The following INSL6 variants were observed in gnomAD, a reference collection of about 807,000 sequenced individuals.
INSL6 encodes insulin like 6.
INSL6 carries 16 observed loss-of-function variants against 9.4 expected under a neutral mutation model. The ratio of observed to expected loss-of-function variants is 1.70; its 90% CI spans 1.15 to 2.59. INSL6 has a LOEUF of 2.59. INSL6 is among the 30% of genes most tolerant of loss of function. The pLI, the probability that INSL6 is intolerant of heterozygous loss-of-function variation, is 0.00. For missense variants in INSL6, 391 were observed against 257.3 expected (o/e 1.52, Z -3.56); for synonymous variants, 154 against 96.9 (o/e 1.59, Z -3.46).
At chr9:5,171,535 C>T (rs545516985) in intron 1 of INSL6, among the ~76,000 whole-genome samples, 7 of 152,238 alleles carry the variant, frequency 4.6e-5, no homozygotes, top group Non-Finnish European at 1.0e-4. Context: ...AGAGAGGAAG[C>T]CAAATTGTCT....
the INSL6 span, chr9:5,072,409 T>A: frequency 9.8e-7 from 1 of 1,018,772 alleles, no homozygotes; most frequent in East Asian, 2.6e-5. Context: ...TTAAAAAAAT[T>A]CTTCCTCATT....
At chr9:5,099,737 A>G in the INSL6 span, 35 of 152,356 alleles carry the variant, frequency 2.3e-4, no homozygotes, top group Admixed American at 1.8e-3. Context: ...ATAATTACCC[A>G]TAACATTAAA....
the INSL6 span, among the ~76,000 whole-genome samples, chr9:5,069,549 AAT>A: frequency 6.6e-6 from 1 of 152,280 alleles, no homozygotes; most frequent in African/African-American, 2.4e-5. Context: ...GTATTTTAAA[AAT>A]AAAGACAGTA....
At chr9:5,155,963 T>TA (rs1383019400) in intron 2 of INSL6, among the ~76,000 whole-genome samples, 1 of 151,898 alleles carries the variant, frequency 6.6e-6, no homozygotes, top group East Asian at 1.9e-4. Context: ...AAACCTCAGC[T>TA]AGAATAATCA....
intron 2 of INSL6, among the ~76,000 whole-genome samples, chr9:5,148,035 C>T (rs1437497455): frequency 6.6e-6 from 1 of 152,148 alleles, no homozygotes; most frequent in East Asian, 1.9e-4. Context: ...CCATATCTGC[C>T]ATTTCAGACA....
the INSL6 span, among the ~76,000 whole-genome samples, chr9:5,029,021 T>C: frequency 2.6e-5 from 4 of 152,240 alleles, no homozygotes; most frequent in Admixed American, 6.5e-5. Context: ...CTTGATTGAC[T>C]GGTGCAGGAG....
intron 2 of INSL6, among the ~76,000 whole-genome samples, chr9:5,149,382 G>T (rs10974982): frequency 2.0e-5 from 3 of 151,780 alleles, no homozygotes; most frequent in African/African-American, 7.3e-5. Flanking sequence ...TTTCACAGCT[G>T]CATCTACTCA....
intron 1 of INSL6, among the ~76,000 whole-genome samples, chr9:5,170,016 C>A (rs1011128652): frequency 6.6e-6 from 1 of 152,160 alleles, no homozygotes; most frequent in African/African-American, 2.4e-5. Context: ...ATCAAATGGA[C>A]CTGATAGATA....
chr9:5,044,428 A>T, the INSL6 span: 1 of 1,611,802 alleles, frequency 6.2e-7, no homozygotes, highest in Non-Finnish European at 8.5e-7. Context: ...TTGGTATTGC[A>T]GTGGCAGCAA....
intron 1 of INSL6, among the ~76,000 whole-genome samples, chr9:5,184,624 T>C (rs927870054): frequency 6.6e-6 from 1 of 152,198 alleles, no homozygotes; most frequent in Admixed American, 6.5e-5. Flanking sequence ...CTGAAACCTA[T>C]GTAGTCACAC....
the INSL6 span, chr9:5,091,690 G>A: frequency 3.3e-5 from 5 of 152,214 alleles, no homozygotes; most frequent in South Asian, 4.1e-4. Context: ...ATGGTTTTTG[G>A]TATAGACTTT....
At chr9:5,092,466 G>A in the INSL6 span, among the ~76,000 whole-genome samples, 37,497 of 151,994 alleles carry the variant, frequency 0.25, 5,027 homozygotes, top group South Asian at 0.3. Context: ...TCACAACCTG[G>A]TCACTTTGAG....
At chr9:5,114,796 A>G in the INSL6 span, 1 of 298,038 alleles carries the variant, frequency 3.4e-6, no homozygotes, top group Non-Finnish European at 6.6e-6. Context: ...TTGTCTGTAA[A>G]TCCCATTAAA....
chr9:5,094,755 A>T, the INSL6 span: 1 of 152,166 alleles, frequency 6.6e-6, no homozygotes, highest in Non-Finnish European at 1.5e-5. Context: ...AGCAGAATAT[A>T]TGAATATTAT....
chr9:5,072,441 C>T, the INSL6 span: 3 of 1,390,132 alleles, frequency 2.2e-6, no homozygotes, highest in South Asian at 1.7e-5. Context: ...CTTGTTCCTA[C>T]TTCGTTCTCC....
At chr9:5,151,996 G>A (rs1355937856) in intron 2 of INSL6, among the ~76,000 whole-genome samples, 1 of 151,994 alleles carries the variant, frequency 6.6e-6, no homozygotes, top group East Asian at 1.9e-4. Flanking sequence ...TATTAGCAGT[G>A]ATAAAAGGAA....
At chr9:5,173,361 A>T (rs1369793771) in intron 1 of INSL6, among the ~76,000 whole-genome samples, 1 of 152,230 alleles carries the variant, frequency 6.6e-6, no homozygotes, top group Non-Finnish European at 1.5e-5. Context: ...ATTCAACCCA[A>T]ATGCCCATCA....
At chr9:5,181,885 T>G (rs1035924022) in intron 1 of INSL6, among the ~76,000 whole-genome samples, 1 of 152,184 alleles carries the variant, frequency 6.6e-6, no homozygotes, top group African/African-American at 2.4e-5. Flanking sequence ...ATAGTGTCAT[T>G]TTACATCTAT....
intron 2 of INSL6, among the ~76,000 whole-genome samples, chr9:5,154,423 C>T (rs1166569209): frequency 6.6e-6 from 1 of 152,160 alleles, no homozygotes; most frequent in Non-Finnish European, 1.5e-5. Context: ...GCAAGGACTT[C>T]ATGTCTAAAA....
Sources: gnomAD v4.1 joint callset for allele counts (sites outside exome capture counted in the v4.1 genomes callset) on GRCh38, gnomAD v4.1.1 for gene constraint, MANE v1.5 for transcripts, NCBI Gene and HGNC (gene_info 2026-07-23, HGNC 2026-07-21) for gene names.